The following LRP1B variants were observed in gnomAD, a reference collection of about 807,000 sequenced individuals.
LRP1B encodes the protein LDL receptor related protein 1B, also known as low-density lipoprotein receptor-related protein 1B.
LRP1B carries 217 observed loss-of-function variants against 556.6 expected under a neutral mutation model. The observed-to-expected ratio is 0.39, with a 90% CI of 0.35 to 0.44. The LOEUF (loss-of-function observed/expected upper bound fraction) is 0.44, where lower values mean the gene tolerates loss of function less well. LRP1B is among the 20% of genes least tolerant of loss of function. The pLI is 1.00. For synonymous variants in LRP1B, 2,047 were observed against 1,865.8 expected, an observed-to-expected ratio of 1.10 and a Z score of -2.50; for missense variants, 5,053 against 5,620.8, an observed-to-expected ratio of 0.90 and a Z score of 3.23.
chr2:140,668,429 T>TA (rs1685363028), intron 41 of LRP1B, among the ~76,000 whole-genome samples: 1 of 150,452 alleles, frequency 6.6e-6, no homozygotes, highest in Non-Finnish European at 1.5e-5. Context: ...TGAATTTAAG[T>TA]AAAAAAATCA....
chr2:141,916,217 TATACACCACCGG>T (rs922396281), intron 1 of LRP1B, among the ~76,000 whole-genome samples: 1 of 152,044 alleles, frequency 6.6e-6, no homozygotes, highest in Non-Finnish European at 1.5e-5. Context: ...ATGTGATACA[TATACACCACCGG>T]ATACTACCCA....
chr2:141,937,769 C>A (rs1439286929), intron 1 of LRP1B, among the ~76,000 whole-genome samples: 1 of 151,966 alleles, frequency 6.6e-6, no homozygotes, highest in Non-Finnish European at 1.5e-5. Flanking sequence ...ATTGCCAAGG[C>A]CAAAGTCAAG....
At chr2:140,448,074 A>G (rs1686741701) in intron 63 of LRP1B, among the ~76,000 whole-genome samples, 3 of 71,210 alleles carry the variant, frequency 4.2e-5, no homozygotes, top group African/African-American at 1.7e-4. Flanking sequence ...ATAGTAATGA[A>G]AAAAAAATTG....
At chr2:140,336,485 G>A (rs188587339) in intron 77 of LRP1B, among the ~76,000 whole-genome samples, 151 of 151,588 alleles carry the variant, frequency 1.0e-3, no homozygotes, top group African/African-American at 3.5e-3. Flanking sequence ...TAGCTTGATA[G>A]GATGCTGCTA....
chr2:140,296,886 GACA>G (rs1181378170), intron 84 of LRP1B, among the ~76,000 whole-genome samples: 1 of 152,064 alleles, frequency 6.6e-6, no homozygotes, highest in African/African-American at 2.4e-5. Context: ...AAGAATTGTG[GACA>G]ACAACTATAT....
chr2:140,465,450 G>A (rs1055319819), intron 60 of LRP1B, among the ~76,000 whole-genome samples: 3 of 152,136 alleles, frequency 2.0e-5, no homozygotes, highest in South Asian at 2.1e-4. Flanking sequence ...CCAAATTCCC[G>A]TTAAGAAATG....
At chr2:141,117,212 A>G (rs1462523714) in intron 7 of LRP1B, among the ~76,000 whole-genome samples, 1 of 149,312 alleles carries the variant, frequency 6.7e-6, no homozygotes, top group Non-Finnish European at 1.5e-5. Flanking sequence ...TCTGTAGGAT[A>G]AGAATTACAT....
intron 18 of LRP1B, among the ~76,000 whole-genome samples, chr2:140,968,217 T>A (rs1205031591): frequency 3.9e-5 from 6 of 151,912 alleles, no homozygotes; most frequent in African/African-American, 1.5e-4. Context: ...AGCCTGTTAT[T>A]GGTCTATTCA....
chr2:141,075,326 A>G (rs1334456995), intron 7 of LRP1B, among the ~76,000 whole-genome samples: 6 of 152,222 alleles, frequency 3.9e-5, no homozygotes, highest in African/African-American at 1.4e-4. Context: ...GAGTAAAAAC[A>G]GCATTCCAAT....
chr2:141,390,027 A>G (rs963882004), intron 3 of LRP1B, among the ~76,000 whole-genome samples: 1 of 152,098 alleles, frequency 6.6e-6, no homozygotes, highest in Non-Finnish European at 1.5e-5. Flanking sequence ...AATCCCAGCT[A>G]CTCAGGGGGC....
chr2:142,001,115 A>T (rs889350145), intron 1 of LRP1B, among the ~76,000 whole-genome samples: 35 of 152,124 alleles, frequency 2.3e-4, no homozygotes, highest in African/African-American at 6.5e-4. Flanking sequence ...TTCGCCTTCC[A>T]CCATGATTGT....
At chr2:141,860,638 G>C (rs1698208598) in intron 1 of LRP1B, among the ~76,000 whole-genome samples, 1 of 151,966 alleles carries the variant, frequency 6.6e-6, no homozygotes, top group Non-Finnish European at 1.5e-5. Flanking sequence ...TGACGTTCAT[G>C]AATATTAAAT....
chr2:140,492,599 G>A lies in LRP1B; in HGVS notation c.9120+9C>T, dbSNP rs191479597. 3.8e-6 allele frequency: 6 copies of A among 1,597,916 alleles called. No homozygotes were observed. In the East Asian group the frequency reaches 1.3e-4, roughly 36 times the overall value. ...TAAATGTTACGGTGTCATCTTGGGA[G>A]TGTCATACCTGTTTTAAAAGTGTGT... On this transcript the variant is annotated intron_variant, in intron 57 of 90. Coordinates refer to ENST00000389484, the MANE Select transcript of LRP1B (RefSeq NM_018557.3).
At chr2:140,254,018 C>A (rs1573689587) in intron 86 of LRP1B, among the ~76,000 whole-genome samples, 1 of 152,184 alleles carries the variant, frequency 6.6e-6, no homozygotes, top group East Asian at 1.9e-4. Flanking sequence ...AGCTAGCTTG[C>A]TACCTAAATA....
intron 16 of LRP1B, among the ~76,000 whole-genome samples, chr2:140,990,437 C>T (rs1414684448): frequency 2.0e-5 from 3 of 151,922 alleles, no homozygotes; most frequent in Admixed American, 2.0e-4. Flanking sequence ...ACTTTTATTA[C>T]TCTCTGTCCA....
chr2:141,819,792 T>C (rs1696694947), intron 1 of LRP1B, among the ~76,000 whole-genome samples: 1 of 152,210 alleles, frequency 6.6e-6, no homozygotes, highest in Admixed American at 6.5e-5. Flanking sequence ...ATGATGGATA[T>C]GCTAATTACC....
chr2:141,087,563 G>T (rs1370092881), intron 7 of LRP1B, among the ~76,000 whole-genome samples: 1 of 152,134 alleles, frequency 6.6e-6, no homozygotes. Context: ...AAGCTAGACA[G>T]GTGAAAACAA....
intron 1 of LRP1B, among the ~76,000 whole-genome samples, chr2:141,872,870 T>C (rs10439174): frequency 6.6e-6 from 1 of 151,806 alleles, no homozygotes; most frequent in Non-Finnish European, 1.5e-5. Context: ...ATGAGCAAAG[T>C]CCTTATTATC....
chr2:141,441,943 A>G (rs951136256), intron 3 of LRP1B, among the ~76,000 whole-genome samples: 1 of 152,204 alleles, frequency 6.6e-6, no homozygotes, highest in Admixed American at 6.5e-5. Flanking sequence ...TTTATTCTGC[A>G]TAAGTAAAAA....
Sources: allele counts gnomAD v4.1 joint callset (sites outside exome capture counted in the v4.1 genomes callset), GRCh38; gene constraint gnomAD v4.1.1; transcripts MANE v1.5; gene names NCBI Gene and HGNC (gene_info 2026-07-23, HGNC 2026-07-21).